The following BCL7C variants were observed in gnomAD, a reference collection of about 807,000 sequenced individuals.
BCL7C encodes the protein BAF chromatin remodeling complex subunit BCL7C.
In BCL7C, 8 loss-of-function variants were observed where a neutral mutation model predicts 26.2. The ratio of observed to expected loss-of-function variants is 0.30; its 90% CI spans 0.18 to 0.55. The LOEUF (loss-of-function observed/expected upper bound fraction) is 0.55. BCL7C is among the 20% of genes least tolerant of loss of function. BCL7C has a pLI of 0.93. For synonymous variants in BCL7C, 90 were observed against 116.5 expected (o/e 0.77, Z 1.47); for missense variants, 262 against 298.5 (o/e 0.88, Z 0.90).
exon 6 of BCL7C, chr16:30,835,105 C>T: frequency 1.3e-6 from 2 of 1,536,802 alleles, no homozygotes; most frequent in Non-Finnish European, 1.8e-6. Context: ...TGTCTTCAGC[C>T]CCTTCTCGTG....
At chr16:30,866,593 G>C (rs1333300781) in intron 5 of BCL7C, among the ~76,000 whole-genome samples, 1 of 150,766 alleles carries the variant, frequency 6.6e-6, no homozygotes, top group Non-Finnish European at 1.5e-5. Context: ...AAAAAAAGGT[G>C]GGGGGGTGGG....
chr16:30,841,222 C>CA, intron 5 of BCL7C, among the ~76,000 whole-genome samples: 1 of 152,260 alleles, frequency 6.6e-6, no homozygotes, highest in East Asian at 1.9e-4. Flanking sequence ...CAAATTTGTT[C>CA]AATACTGGGT....
At chr16:30,851,528 C>T (rs2054674530) in intron 5 of BCL7C, 2 of 272,838 alleles carry the variant, frequency 7.3e-6, no homozygotes, top group African/African-American at 2.2e-5. Flanking sequence ...GCGTGAGCCA[C>T]CGCACCCGGC....
chr16:30,878,264 C>T (rs2054984001), intron 5 of BCL7C, among the ~76,000 whole-genome samples: 1 of 152,138 alleles, frequency 6.6e-6, no homozygotes, highest in Non-Finnish European at 1.5e-5. Context: ...GGTGTGGTGG[C>T]TCATGCCTGT....
At chr16:30,878,774 C>A (rs2054994185) in intron 5 of BCL7C, among the ~76,000 whole-genome samples, 1 of 150,640 alleles carries the variant, frequency 6.6e-6, no homozygotes, top group South Asian at 2.1e-4. Context: ...ACCCGGGAGG[C>A]AGAGGTTGCA....
chr16:30,862,539 C>A (rs773095874), intron 5 of BCL7C, among the ~76,000 whole-genome samples: 4 of 152,070 alleles, frequency 2.6e-5, no homozygotes, highest in African/African-American at 7.2e-5. Context: ...GTTCCCCCTA[C>A]AAATCCTCCC....
chr16:30,856,100 ACTTT>A (rs1008301032), intron 5 of BCL7C, among the ~76,000 whole-genome samples: 1 of 150,834 alleles, frequency 6.6e-6, no homozygotes, highest in Admixed American at 6.6e-5. Flanking sequence ...TATAAATAAA[ACTTT>A]CTATTTTTTT....
At chr16:30,884,492 GTTTTTT>G (rs71149066), downstream of BCL7C, among the ~76,000 whole-genome samples, 7 of 98,286 alleles carry the variant, frequency 7.1e-5, no homozygotes, top group Non-Finnish European at 1.5e-4. Flanking sequence ...ATCTCCATTT[GTTTTTT>G]TTTTTTTTTT....
At chr16:30,865,279 C>G (rs1485316069) in intron 5 of BCL7C, among the ~76,000 whole-genome samples, 1 of 152,082 alleles carries the variant, frequency 6.6e-6, no homozygotes, top group Non-Finnish European at 1.5e-5. Context: ...ATCCTACCAC[C>G]CTTTGCTGAC....
At chr16:30,890,476 G>T (rs1484392312) in intron 4 of BCL7C, among the ~76,000 whole-genome samples, 1 of 151,958 alleles carries the variant, frequency 6.6e-6, no homozygotes, top group African/African-American at 2.4e-5. Context: ...CTGGGTCTCA[G>T]TTTCCTCATC....
At chr16:30,855,165 C>G (rs539314432) in intron 5 of BCL7C, among the ~76,000 whole-genome samples, 1 of 152,266 alleles carries the variant, frequency 6.6e-6, no homozygotes, top group Admixed American at 6.5e-5. Flanking sequence ...AGCTATGCTT[C>G]TGTGTCTAGT....
chr16:30,837,506 C>T (rs551371314), intron 5 of BCL7C, among the ~76,000 whole-genome samples: 17 of 152,138 alleles, frequency 1.1e-4, no homozygotes, highest in East Asian at 3.9e-4. Context: ...CACCACCACG[C>T]CCAGCTAATT....
At chr16:30,856,438 C>T (rs1191406324) in intron 5 of BCL7C, among the ~76,000 whole-genome samples, 1 of 53,006 alleles carries the variant, frequency 1.9e-5, no homozygotes, top group African/African-American at 8.1e-5. Context: ...GAGACTCCGT[C>T]TAAAAAAAAA....
rs1250281128 is a variant in BCL7C, at chr16:30,877,964, C to G, written c.528+10896G>C. 3.4e-5 allele frequency among the ~76,000 whole-genome samples: 5 copies of G among 148,882 alleles called. 1 individual carries two copies. In the East Asian group the frequency reaches 6.4e-4, roughly 19 times the overall value. On this transcript the variant is annotated intron_variant, in intron 5 of 5. Coordinates refer to the BCL7C transcript ENST00000380317. ...CCAAGGCGGGTGGATCACCTGAGGT[C>G]AGGAGTTCGAGACCAGCCTGGACAA...
At chr16:30,842,783 T>C (rs527427667) in intron 5 of BCL7C, among the ~76,000 whole-genome samples, 30 of 152,198 alleles carry the variant, frequency 2.0e-4, no homozygotes, top group African/African-American at 6.3e-4. Flanking sequence ...TCAGCCAGGA[T>C]GGTCTCGATC....
intron 5 of BCL7C, among the ~76,000 whole-genome samples, chr16:30,854,849 G>A (rs1317581052): frequency 6.6e-6 from 1 of 151,878 alleles, no homozygotes; most frequent in East Asian, 1.9e-4. Flanking sequence ...TTACAGGCAC[G>A]TGCCAACATG....
chr16:30,891,617 T>C (rs2055238636), intron 4 of BCL7C, among the ~76,000 whole-genome samples: 1 of 152,132 alleles, frequency 6.6e-6, no homozygotes, highest in South Asian at 2.1e-4. Context: ...TCAACAGATA[T>C]TTACTGAGCA....
intron 5 of BCL7C, among the ~76,000 whole-genome samples, chr16:30,854,129 A>G (rs1303183111): frequency 6.6e-6 from 1 of 152,136 alleles, no homozygotes; most frequent in Non-Finnish European, 1.5e-5. Context: ...TAGGCCTTAA[A>G]AGCTGCTATA....
downstream of BCL7C, among the ~76,000 whole-genome samples, chr16:30,884,911 C>T (rs1253288362): frequency 6.6e-6 from 1 of 152,194 alleles, no homozygotes. Context: ...AACCTGAATT[C>T]TGAGCTTCAA....
Sources: gnomAD v4.1 joint callset for allele counts (sites outside exome capture counted in the v4.1 genomes callset) on GRCh38, gnomAD v4.1.1 for gene constraint, MANE v1.5 for transcripts, NCBI Gene and HGNC (gene_info 2026-07-23, HGNC 2026-07-21) for gene names.